ZPBP: variants seen among roughly 807,000 people sequenced by gnomAD.
ZPBP encodes the protein zona pellucida binding protein, also known as zona pellucida-binding protein 1.
In ZPBP, 26 loss-of-function variants were observed where a neutral mutation model predicts 44.8. The observed-to-expected ratio is 0.58, with a 90% confidence interval of 0.43 to 0.81. The LOEUF (loss-of-function observed/expected upper bound fraction) is 0.81. Among genes scored for constraint, ZPBP ranks in the 30% least tolerant of loss-of-function variants. ZPBP has a pLI of 0.00. For missense variants in ZPBP, 409 were observed against 434.0 expected (o/e 0.94, Z 0.51); for synonymous variants, 174 against 153.2 (o/e 1.14, Z -1.00).
chr7:49,850,242 A>G (rs561505852), downstream of ZPBP, among the ~76,000 whole-genome samples: 2 of 152,362 alleles, frequency 1.3e-5, no homozygotes, highest in African/African-American at 4.8e-5. Flanking sequence ...TAACCTGTCC[A>G]CTTCATGCCA....
At chr7:49,936,511 C>T (rs1247677411), downstream of ZPBP, among the ~76,000 whole-genome samples, 1 of 152,090 alleles carries the variant, frequency 6.6e-6, no homozygotes, top group African/African-American at 2.4e-5. Context: ...CACATTTGTG[C>T]CCAGATCCAG....
intron 3 of ZPBP, among the ~76,000 whole-genome samples, chr7:50,069,843 C>T (rs558404498): frequency 9.9e-5 from 15 of 152,180 alleles, no homozygotes; most frequent in Non-Finnish European, 7.4e-5. Flanking sequence ...GCTGCGGCTA[C>T]GAAGCTGGTC....
rs1205474643 is a variant in ZPBP, at chr7:49,886,278, A to T, written n.509+14840T>A. On this transcript the variant is annotated intron_variant and non_coding_transcript_variant, in intron 2 of 2. Transcript: ENST00000465922. ...GAATCACTTTTAGTAAAAGTCCTTG[A>T]ATATGCAGACAATAGAGTACATTCC... Among the ~76,000 whole-genome samples the T allele has an allele frequency of 3.3e-5, 5 of 152,232 alleles. No homozygotes were observed. The South Asian group carries it at 1.0e-3, about 31-fold the overall frequency.
chr7:50,008,412 T>A (rs1798412295), intron 6 of ZPBP, among the ~76,000 whole-genome samples: 1 of 152,130 alleles, frequency 6.6e-6, no homozygotes, highest in East Asian at 1.9e-4. Flanking sequence ...CACATTTTCA[T>A]GCATTAACAC....
At chr7:50,036,601 TCAAA>T (rs1799838625) in intron 4 of ZPBP, among the ~76,000 whole-genome samples, 1 of 152,204 alleles carries the variant, frequency 6.6e-6, no homozygotes, top group East Asian at 1.9e-4. Flanking sequence ...CAAAAATCCC[TCAAA>T]CATTTTTAAA....
At chr7:50,058,284 G>T (rs2128830659) in intron 3 of ZPBP, 143 bp from the exon 4 acceptor site, 1 of 835,028 alleles carries the variant, frequency 1.2e-6, no homozygotes, top group South Asian at 1.4e-5. Context: ...ATTACATCTG[G>T]TATCTGCTAA....
intron 2 of ZPBP, among the ~76,000 whole-genome samples, chr7:49,873,334 C>T (rs1014255304): frequency 1.3e-5 from 2 of 152,178 alleles, no homozygotes; most frequent in African/African-American, 4.8e-5. Context: ...CCCCTTCTCC[C>T]TATGTCCACC....
At chr7:50,077,629 A>G (rs1802160351) in intron 3 of ZPBP, among the ~76,000 whole-genome samples, 1 of 151,970 alleles carries the variant, frequency 6.6e-6, no homozygotes, top group Admixed American at 6.6e-5. Flanking sequence ...AATGGCAAAC[A>G]GGCCTATGAA....
At chr7:49,911,480 C>CA (rs34782644) in intron 1 of ZPBP, among the ~76,000 whole-genome samples, 45,131 of 71,754 alleles carry the variant, frequency 0.63, 14,155 homozygotes, top group East Asian at 0.66. Context: ...GACTCTGTCT[C>CA]AAAAAAAAAA....
intron 2 of ZPBP, among the ~76,000 whole-genome samples, chr7:49,860,035 A>G (rs1377670342): frequency 6.6e-6 from 1 of 152,060 alleles, no homozygotes; most frequent in African/African-American, 2.4e-5. Flanking sequence ...GCTTCTTTAA[A>G]GTTTCATAAT....
At chr7:50,015,086 T>C (rs572580802) in intron 6 of ZPBP, among the ~76,000 whole-genome samples, 27 of 152,272 alleles carry the variant, frequency 1.8e-4, no homozygotes, top group African/African-American at 5.3e-4. Flanking sequence ...ACTGTTCTTA[T>C]ACTATCATCA....
intron 1 of ZPBP, chr7:49,921,922 T>C (rs1473522971): frequency 6.6e-6 from 1 of 152,166 alleles, no homozygotes; most frequent in Non-Finnish European, 1.5e-5. Flanking sequence ...ATTGACCTGA[T>C]TTATAAAATA....
At chr7:49,944,391 C>A in intron 7 of ZPBP, 1 of 196,870 alleles carries the variant, frequency 5.1e-6, no homozygotes. Context: ...TTTGTGCTGG[C>A]ATCGAAGAGG....
intron 6 of ZPBP, among the ~76,000 whole-genome samples, chr7:50,005,886 C>A (rs1798289861): frequency 6.8e-6 from 1 of 146,468 alleles, no homozygotes; most frequent in Non-Finnish European, 1.5e-5. Context: ...ACATTAATAT[C>A]AGGTTCTAAC....
chr7:50,075,816 C>T (rs1043612643), intron 3 of ZPBP, among the ~76,000 whole-genome samples: 10 of 151,788 alleles, frequency 6.6e-5, no homozygotes, highest in African/African-American at 1.9e-4. Context: ...CTGAATTAAA[C>T]GAAACATTTG....
At position 50,031,204 on chromosome 7, in the gene ZPBP, T is replaced by C. The variant is rs778232699; in HGVS notation, c.594A>G (p.Leu198=). Residue 198 remains leucine (L), a synonymous_variant, in exon 5 of 8, where the codon TTA becomes TTG. Coordinates refer to ENST00000046087, the MANE Select transcript of ZPBP (RefSeq NM_007009.3). ...ISFEKKLLQI[L]SKLLLDLSCE... is the part of the protein sequence containing the mutation. The stretch of plus-strand genomic sequence containing the variant: ...ATGAAAGGTCAAGAAGCAGTTTGCT[T>C]AAAATCTGAAGAAGTTTCTTCTCAA... 6 of 1,613,610 alleles carry C rather than the reference T, an allele frequency of 3.7e-6. No individual in the cohort carries two copies. In the South Asian group the frequency reaches 5.5e-5, roughly 15 times the overall value.
chr7:49,979,286 T>C (rs1333963375), intron 7 of ZPBP, among the ~76,000 whole-genome samples: 1 of 152,012 alleles, frequency 6.6e-6, no homozygotes, highest in Non-Finnish European at 1.5e-5. Flanking sequence ...TATAATCTTC[T>C]TGTATTTTTC....
chr7:49,988,443 A>G lies in ZPBP; in HGVS notation c.784-4924T>C, dbSNP rs1002691017. Among the ~76,000 whole-genome samples, 7 of 152,292 alleles carry G rather than the reference A, an allele frequency of 4.6e-5. No individual in the cohort carries two copies. The East Asian group carries it at 1.3e-3, about 29-fold the overall frequency. On this transcript the variant is annotated intron_variant, in intron 6 of 7. Transcript: ENST00000046087. ...ACATGGGATTGCCAAAATGATGCTT[A>G]ATCTTCTTTAGGTTATATTTTATGT...
chr7:49,866,637 G>A (rs1321608779), intron 2 of ZPBP, among the ~76,000 whole-genome samples: 1 of 152,186 alleles, frequency 6.6e-6, no homozygotes, highest in Non-Finnish European at 1.5e-5. Flanking sequence ...TGTCACAAAA[G>A]ATGGTCAGTT....
Sources: gnomAD v4.1 joint callset for allele counts (sites outside exome capture counted in the v4.1 genomes callset) on GRCh38, gnomAD v4.1.1 for gene constraint, MANE v1.5 for transcripts, NCBI Gene and HGNC (gene_info 2026-07-23, HGNC 2026-07-21) for gene names.